The following SMPD3 variants were observed in gnomAD, a reference collection of about 807,000 sequenced individuals.
SMPD3 encodes nSMase-2.
Under a neutral mutation model 55.7 loss-of-function variants are expected in SMPD3, and 21 were observed. The ratio of observed to expected loss-of-function variants is 0.38; its 90% CI spans 0.27 to 0.54. SMPD3 has a LOEUF of 0.54. SMPD3 is among the 20% of genes least tolerant of loss of function. The probability of loss-of-function intolerance (pLI) is 0.80; values close to 1 mark genes in which losing one functional copy is unlikely to be tolerated. For synonymous variants in SMPD3, 457 were observed against 404.3 expected (o/e 1.13, Z -1.56); for missense variants, 842 against 899.6 (o/e 0.94, Z 0.82).
At position 68,433,172 on chromosome 16, in the gene SMPD3, T is replaced by C. The variant is rs202210169; in HGVS notation, c.-269+15181A>G. Among the ~76,000 whole-genome samples, 135 of 152,378 alleles carry C rather than the reference T, an allele frequency of 8.9e-4. 1 individual carries two copies. Among genetic ancestry groups the C allele is most frequent in the Admixed American group, 2.2e-3 (34 of 15,314 alleles). On this transcript the variant is annotated intron_variant, in intron 1 of 8. Transcript: ENST00000219334. ...GTAAGTCAGAGAGAGCCATTGGTTTTATTTTTGGATGGCATAGAGTAGGCC... is the reference window on the plus strand; with the variant it reads ...GTAAGTCAGAGAGAGCCATTGGTTTCATTTTTGGATGGCATAGAGTAGGCC...
chr16:68,427,459 A>G (rs1367931122), intron 1 of SMPD3, among the ~76,000 whole-genome samples: 2 of 152,232 alleles, frequency 1.3e-5, no homozygotes, highest in African/African-American at 4.8e-5. Context: ...CAACTGTCCA[A>G]CAGAACTTTC....
chr16:68,427,217 C>T (rs371237296), intron 1 of SMPD3, among the ~76,000 whole-genome samples: 2 of 152,010 alleles, frequency 1.3e-5, no homozygotes, highest in Non-Finnish European at 2.9e-5. Flanking sequence ...TGGCCAGGCT[C>T]GTCTCAAACT....
At chr16:68,426,519 C>T (rs961788826) in intron 1 of SMPD3, among the ~76,000 whole-genome samples, 2 of 152,124 alleles carry the variant, frequency 1.3e-5, no homozygotes, top group African/African-American at 4.8e-5. Context: ...ATAAAAGTGA[C>T]TCATTGATGA....
chr16:68,372,936 C>A (rs960249697), intron 2 of SMPD3, among the ~76,000 whole-genome samples: 4 of 152,200 alleles, frequency 2.6e-5, no homozygotes, highest in Admixed American at 6.5e-5. Context: ...GTGTGGCCAG[C>A]AGGGCCGCAG....
intron 8 of SMPD3, 73 bp from the exon 9 acceptor site, chr16:68,361,380 A>AT (rs1224012451): frequency 2.0e-6 from 3 of 1,498,488 alleles, no homozygotes; most frequent in Non-Finnish European, 2.7e-6. Flanking sequence ...CGGCCTGGGG[A>AT]TCCCCAAAGT....
chr16:68,430,888 G>A (rs567304810), intron 1 of SMPD3, among the ~76,000 whole-genome samples: 8 of 152,316 alleles, frequency 5.3e-5, no homozygotes, highest in Admixed American at 1.3e-4. Flanking sequence ...GCTGCAGAAT[G>A]TCGTGTCAAG....
At chr16:68,384,133 C>T (rs1381556674) in intron 2 of SMPD3, among the ~76,000 whole-genome samples, 2 of 150,960 alleles carry the variant, frequency 1.3e-5, no homozygotes, top group African/African-American at 5.0e-5. Flanking sequence ...GGCCTGATTC[C>T]TCTGTCTCCT....
intron 1 of SMPD3, among the ~76,000 whole-genome samples, chr16:68,444,899 G>C (rs2090598521): frequency 6.6e-6 from 1 of 152,204 alleles, no homozygotes; most frequent in African/African-American, 2.4e-5. Flanking sequence ...GAGTCACATA[G>C]TTCAATGCAA....
At chr16:68,435,381 ACT>A (rs528389381) in intron 1 of SMPD3, among the ~76,000 whole-genome samples, 364 of 152,232 alleles carry the variant, frequency 2.4e-3, no homozygotes, top group Middle Eastern at 0.01. Flanking sequence ...CCATTTGTCT[ACT>A]CTCTTAACCA....
At chr16:68,437,617 C>G (rs1304698628) in intron 1 of SMPD3, among the ~76,000 whole-genome samples, 2 of 152,248 alleles carry the variant, frequency 1.3e-5, no homozygotes, top group Non-Finnish European at 2.9e-5. Context: ...CTTTCATCCT[C>G]TATTATCTTG....
intron 2 of SMPD3, among the ~76,000 whole-genome samples, chr16:68,373,673 G>A (rs1175043362): frequency 5.9e-5 from 9 of 152,140 alleles, no homozygotes; most frequent in African/African-American, 2.2e-4. Flanking sequence ...CCCCTGCACC[G>A]GCCTGGGACT....
intron 1 of SMPD3, among the ~76,000 whole-genome samples, chr16:68,444,569 C>T (rs2090595497): frequency 6.6e-6 from 1 of 152,306 alleles, no homozygotes; most frequent in African/African-American, 2.4e-5. Flanking sequence ...CCACATCTTC[C>T]TGAATCTGCT....
intron 1 of SMPD3, among the ~76,000 whole-genome samples, chr16:68,390,121 C>T (rs564782412): frequency 6.6e-6 from 1 of 152,296 alleles, no homozygotes; most frequent in African/African-American, 2.4e-5. Context: ...CATATAAAAC[C>T]AAGGGTGACT....
intron 2 of SMPD3, among the ~76,000 whole-genome samples, chr16:68,381,643 T>G (rs987148275): frequency 2.0e-5 from 3 of 152,186 alleles, no homozygotes; most frequent in African/African-American, 7.2e-5. Context: ...GCTCTCTCCC[T>G]CTGCCACATT....
At chr16:68,392,096 G>C (rs925981110) in intron 1 of SMPD3, among the ~76,000 whole-genome samples, 8 of 152,114 alleles carry the variant, frequency 5.3e-5, no homozygotes, top group Non-Finnish European at 8.8e-5. Flanking sequence ...TTCACCACGT[G>C]GGCCAGGCCG....
At chr16:68,374,726 T>TC (rs777551311) in intron 2 of SMPD3, among the ~76,000 whole-genome samples, 7 of 152,022 alleles carry the variant, frequency 4.6e-5, no homozygotes, top group Middle Eastern at 3.4e-3. Context: ...GCTGGAGGGT[T>TC]CCCCCCCAGC....
intron 2 of SMPD3, among the ~76,000 whole-genome samples, chr16:68,375,136 A>G (rs2089778135): frequency 6.6e-6 from 1 of 152,076 alleles, no homozygotes; most frequent in Admixed American, 6.6e-5. Context: ...TGTTGCCCTC[A>G]GCCTCAGCCA....
chr16:68,399,506 T>A (rs2090188796), intron 1 of SMPD3, among the ~76,000 whole-genome samples: 1 of 152,196 alleles, frequency 6.6e-6, no homozygotes. Context: ...TGGAGGGAAG[T>A]AGGGACCCCT....
At chr16:68,399,106 C>T (rs1017055726) in intron 1 of SMPD3, among the ~76,000 whole-genome samples, 4 of 152,194 alleles carry the variant, frequency 2.6e-5, no homozygotes, top group East Asian at 1.9e-4. Context: ...TCCTCAGGCC[C>T]GCCCAGCCTC....
Sources: gnomAD v4.1 joint callset for allele counts (sites outside exome capture counted in the v4.1 genomes callset) on GRCh38, gnomAD v4.1.1 for gene constraint, MANE v1.5 for transcripts, NCBI Gene and HGNC (gene_info 2026-07-23, HGNC 2026-07-21) for gene names.